AKR1C2: variants seen among roughly 807,000 people sequenced by gnomAD.
AKR1C2 encodes the protein aldo-keto reductase family 1 member C2.
Under a neutral mutation model 39.8 loss-of-function variants are expected in AKR1C2, and 27 were observed. The ratio of observed to expected loss-of-function variants is 0.68; its 90% confidence interval spans 0.50 to 0.93. The LOEUF is 0.93. Ranked by LOEUF, AKR1C2 falls within the 40% of genes least tolerant of loss-of-function variation. The pLI is 0.00. For missense variants in AKR1C2, 263 were observed against 365.1 expected (o/e 0.72, Z 2.28); for synonymous variants, 114 against 137.9 (o/e 0.83, Z 1.22).
At chr10:4,992,315 G>C (rs1175646171) in intron 7 of AKR1C2, among the ~76,000 whole-genome samples, 3 of 152,010 alleles carry the variant, frequency 2.0e-5, no homozygotes, top group Admixed American at 6.6e-5. Flanking sequence ...CCAATGAACA[G>C]GTATAATAGG....
At position 4,988,318 on chromosome 10, in the gene AKR1C2, CT is replaced by C. The variant is rs1588294838; in HGVS notation, c.*1677del. 2.0e-5 allele frequency: 3 copies of C among 152,116 alleles called. No individual in the cohort carries two copies. The highest frequency in any genetic ancestry group is 4.4e-5 in the Non-Finnish European group (3 of 68,014). 9.4% of individuals were successfully genotyped at this position (152,116 alleles called of 1,614,324 possible). ...GATGGCCATGGTTTACATGAGATTT[CT>C]TTGAGACATGCTAAGTGTGAATGTC... is the stretch of plus-strand genomic sequence containing the variant. On this transcript the variant is annotated 3_prime_UTR_variant, in exon 9 of 9. Transcript: ENST00000380753.
At chr10:5,002,856 T>C (rs1289122903) in intron 1 of AKR1C2, among the ~76,000 whole-genome samples, 1 of 152,212 alleles carries the variant, frequency 6.6e-6, no homozygotes, top group African/African-American at 2.4e-5. Flanking sequence ...TATCCTCATC[T>C]TTACTTCCTC....
intron 1 of AKR1C2, among the ~76,000 whole-genome samples, chr10:5,003,254 T>C (rs1275093992): frequency 6.7e-6 from 1 of 149,228 alleles, no homozygotes; most frequent in East Asian, 1.9e-4. Context: ...TTCAGGTAAT[T>C]TTCCCAGAGG....
chr10:5,011,398 T>C (rs1554774911), intron 1 of AKR1C2, among the ~76,000 whole-genome samples: 2 of 152,238 alleles, frequency 1.3e-5, no homozygotes, highest in African/African-American at 4.8e-5. Flanking sequence ...TGTATCTATG[T>C]AGCAAACTGC....
upstream of AKR1C2, among the ~76,000 whole-genome samples, chr10:5,004,471 T>C (rs1285992910): frequency 2.0e-5 from 3 of 152,194 alleles, no homozygotes; most frequent in East Asian, 1.9e-4. Flanking sequence ...TGGGTGTAAA[T>C]AAAAAAGAAA....
chr10:4,990,312 A>G (rs1836790633), intron 8 of AKR1C2, among the ~76,000 whole-genome samples: 2 of 152,016 alleles, frequency 1.3e-5, no homozygotes, highest in Admixed American at 6.5e-5. Flanking sequence ...ACATCTCTCA[A>G]CAACAGATCC....
intron 8 of AKR1C2, among the ~76,000 whole-genome samples, chr10:4,990,334 A>G (rs1836791918): frequency 1.3e-5 from 2 of 151,180 alleles, no homozygotes; most frequent in South Asian, 4.1e-4. Flanking sequence ...ACATCTGTCA[A>G]CAAAGAGATA....
At chr10:5,017,577 A>C (rs201814239) in intron 1 of AKR1C2, among the ~76,000 whole-genome samples, 1 of 152,166 alleles carries the variant, frequency 6.6e-6, no homozygotes, top group Non-Finnish European at 1.5e-5. Flanking sequence ...TTCATTGTTC[A>C]TATCCCTATC....
upstream of AKR1C2, among the ~76,000 whole-genome samples, chr10:5,008,460 C>T (rs1193873971): frequency 6.6e-6 from 1 of 151,988 alleles, no homozygotes; most frequent in Non-Finnish European, 1.5e-5. Flanking sequence ...TGCCAAGGCT[C>T]AAGGGGTACC....
chr10:4,997,255 A>T (rs1837087773), intron 5 of AKR1C2: 1 of 152,342 alleles, frequency 6.6e-6, no homozygotes, highest in Non-Finnish European at 1.5e-5. Flanking sequence ...TTCAACTGGG[A>T]AAAACAAGTT....
chr10:5,013,137 C>G (rs1837556574), intron 1 of AKR1C2, among the ~76,000 whole-genome samples: 1 of 152,160 alleles, frequency 6.6e-6, no homozygotes, highest in Admixed American at 6.5e-5. Flanking sequence ...GAACAAACCA[C>G]CATGGCATGA....
Position 4,989,678 on chromosome 10 carries a change from C to T in AKR1C2, c.*318G>A, listed in dbSNP as rs1452907512. 4 of 370,812 alleles carry T rather than the reference C, an allele frequency of 1.1e-5. No homozygotes were observed. The highest frequency in any genetic ancestry group is 1.9e-5 in the Non-Finnish European group (4 of 205,326). The allele number at this position is 370,812 out of a possible 1,614,324, so 23.0% of individuals were successfully genotyped here. On this transcript the variant is annotated 3_prime_UTR_variant, in exon 9 of 9. Transcript: ENST00000380753. ...ATGAATCTTAAATGGTTGTTAACATCTTCCAACCCCGGCCCTAAACGTATA... is the reference window on the plus strand; with the variant it reads ...ATGAATCTTAAATGGTTGTTAACATTTTCCAACCCCGGCCCTAAACGTATA...
intron 8 of AKR1C2, among the ~76,000 whole-genome samples, chr10:4,991,205 C>T (rs1554772205): frequency 6.6e-6 from 1 of 151,436 alleles, no homozygotes; most frequent in African/African-American, 2.5e-5. Context: ...CTGAGATCTC[C>T]ATATTGCAGA....
At position 4,998,790 on chromosome 10, in the gene AKR1C2, G is replaced by C. The variant is rs781816437; in HGVS notation, c.448-43C>G. 11 of 1,611,152 alleles carry C rather than the reference G, an allele frequency of 6.8e-6. No individual in the cohort carries two copies. The East Asian group carries it at 2.5e-4, about 36-fold the overall frequency. On this transcript the variant is annotated intron_variant, in intron 4 of 8. Transcript: ENST00000380753. ...TGAGGTATCATTTGTGTAGTCGACT[G>C]AAGAGCAAGATAAATGTAACATAGA...
chr10:4,999,428 A>G, intron 3 of AKR1C2, 151 bp from the exon 4 acceptor site: 1 of 1,545,894 alleles, frequency 6.5e-7, no homozygotes, highest in South Asian at 1.2e-5. Flanking sequence ...CTACATATGA[A>G]GGTATAAGGA....
rs1227732227 is a variant in AKR1C2 at position 5,011,298 on chromosome 10, G to A, written c.-88+6602C>T. 2.0e-5 allele frequency among the ~76,000 whole-genome samples: 3 copies of A among 152,198 alleles called. No homozygotes were observed. The East Asian group carries it at 5.8e-4, about 29-fold the overall frequency. On this transcript the variant is annotated intron_variant, in intron 1 of 6. Coordinates refer to the AKR1C2 transcript ENST00000604507. ...GTCTCCCACTGGTGGAGACTCAGAA[G>A]GCTGGGAGGCTGGGAAATTATTGGG... is the stretch of plus-strand genomic sequence containing the variant.
At position 5,001,681 on chromosome 10, in the gene AKR1C2, C is replaced by A. The variant is rs1554773857; in HGVS notation, c.85G>T (p.Val29Phe). The change falls in exon 2 of 9, where the codon GTT becomes TTT. Residue 29 changes from valine to phenylalanine, a missense_variant and splice_region_variant. Around this residue, in one of 3 missense-constraint regions of AKR1C2, gnomAD observed 247 missense variants for 267.9 expected, o/e 0.92. Coordinates refer to ENST00000380753, the MANE Select transcript of AKR1C2 (RefSeq NM_001393392.1). ...GCCTCTAGAGCTTTACTTTTAGGAA[C>A]CTGGGGGAGCAACCAAACGTAATAT... ...LGFGTYAPAE[V>F]PKSKALEAVK... 1.2e-6 allele frequency: 2 copies of A among 1,613,630 alleles called. No homozygotes were observed. The highest frequency in any genetic ancestry group is 1.7e-6 in the Non-Finnish European group (2 of 1,179,698).
intron 1 of AKR1C2, among the ~76,000 whole-genome samples, chr10:5,017,057 C>A (rs1229822207): frequency 6.6e-6 from 1 of 152,134 alleles, no homozygotes. Flanking sequence ...CTGGGCTTGG[C>A]CCATGAAATT....
chr10:4,990,304 A>G (rs1158308502), intron 8 of AKR1C2, among the ~76,000 whole-genome samples: 1 of 152,202 alleles, frequency 6.6e-6, no homozygotes, highest in Non-Finnish European at 1.5e-5. Context: ...GTTTCTCTAC[A>G]TCTCTCAACA....
Sources: gnomAD v4.1 joint callset for allele counts (sites outside exome capture counted in the v4.1 genomes callset) on GRCh38, gnomAD v4.1.1 for gene constraint, gnomAD v4.1.1 regional missense constraint, MANE v1.5 for transcripts, NCBI Gene and HGNC (gene_info 2026-07-23, HGNC 2026-07-21) for gene names.